CNTN4: variants seen among roughly 807,000 people sequenced by gnomAD.
The protein encoded by CNTN4 is contactin-4.
Under a neutral mutation model 122.5 loss-of-function variants are expected in CNTN4, and 77 were observed. The observed-to-expected ratio is 0.63, with a 90% CI of 0.52 to 0.76. CNTN4 has a LOEUF of 0.76. Among genes scored for constraint, CNTN4 ranks in the 30% least tolerant of loss-of-function variants. The pLI, the probability that CNTN4 is intolerant of heterozygous loss-of-function variation, is 0.00. For synonymous variants in CNTN4, 512 were observed against 447.0 expected, an observed-to-expected ratio of 1.15 and a Z score of -1.83; for missense variants, 1,256 against 1,259.1, an observed-to-expected ratio of 1.00 and a Z score of 0.04.
chr3:2,106,122 C>T (rs2032420694), intron 2 of CNTN4, among the ~76,000 whole-genome samples: 1 of 152,242 alleles, frequency 6.6e-6, no homozygotes, highest in African/African-American at 2.4e-5. Flanking sequence ...GGCAGTTCTG[C>T]CCCTCTGGCT....
intron 2 of CNTN4, among the ~76,000 whole-genome samples, chr3:2,252,853 C>T (rs1237399061): frequency 6.6e-6 from 1 of 152,026 alleles, no homozygotes; most frequent in Admixed American, 6.6e-5. Flanking sequence ...GATTGTCTCC[C>T]AAATTGTTTA....
In CNTN4 at chr3:2,566,148, G is replaced by A. The variant is rs1048641568; in HGVS notation, c.-88-5268G>A. 8.9e-4 allele frequency among the ~76,000 whole-genome samples: 136 copies of A among 152,112 alleles called. 1 individual carries two copies. The highest frequency in any genetic ancestry group is 2.1e-4 in the Non-Finnish European group (14 of 68,012). ...GCACCTGGCTTCACTTCTGCAGAAG[G>A]ACAACATGAAAAGCCAAGTTAGAGA... On this transcript the variant is annotated intron_variant, in intron 3 of 24. Transcript: ENST00000418658.
chr3:2,816,664 T>C (rs2092738563), intron 6 of CNTN4, among the ~76,000 whole-genome samples: 2 of 150,280 alleles, frequency 1.3e-5, no homozygotes, highest in South Asian at 2.1e-4. Context: ...CTACTAAAAA[T>C]ACAAAAATTA....
intron 7 of CNTN4, among the ~76,000 whole-genome samples, chr3:2,865,316 AAT>A (rs1276760186): frequency 6.6e-6 from 1 of 152,238 alleles, no homozygotes; most frequent in African/African-American, 2.4e-5. Context: ...TTTAAGGCAG[AAT>A]ATGTTTCCTG....
intron 4 of CNTN4, among the ~76,000 whole-genome samples, chr3:2,597,644 G>T (rs951859667): frequency 1.2e-4 from 19 of 152,150 alleles, no homozygotes; most frequent in African/African-American, 4.6e-4. Context: ...AAGTGGTGCT[G>T]TGTGCCTATG....
intron 2 of CNTN4, among the ~76,000 whole-genome samples, chr3:2,120,397 A>ATTT (rs2033678127): frequency 3.3e-5 from 1 of 30,658 alleles, no homozygotes; most frequent in African/African-American, 9.2e-5. Context: ...ATATATATAT[A>ATTT]TATATATATT....
At chr3:2,187,952 A>G (rs1252492103) in intron 2 of CNTN4, among the ~76,000 whole-genome samples, 1 of 152,112 alleles carries the variant, frequency 6.6e-6, no homozygotes, top group Non-Finnish European at 1.5e-5. Flanking sequence ...AGTGCATCCT[A>G]CTTCTGCCAC....
At chr3:2,148,963 TG>T (rs1435375418) in intron 2 of CNTN4, among the ~76,000 whole-genome samples, 6 of 151,984 alleles carry the variant, frequency 3.9e-5, no homozygotes, top group Non-Finnish European at 7.4e-5. Flanking sequence ...TGTGTGTGTG[TG>T]TGTGTGTTGG....
At chr3:3,005,147 C>T (rs1177761809) in intron 14 of CNTN4, among the ~76,000 whole-genome samples, 1 of 152,174 alleles carries the variant, frequency 6.6e-6, no homozygotes, top group African/African-American at 2.4e-5. Flanking sequence ...TGGAAGTTTT[C>T]CTGCTGGGGT....
chr3:2,659,326 A>G (rs1576368558), intron 4 of CNTN4, among the ~76,000 whole-genome samples: 1 of 151,650 alleles, frequency 6.6e-6, no homozygotes, highest in East Asian at 1.9e-4. Flanking sequence ...GCCAGGTGTA[A>G]TGGTACATGT....
At chr3:2,540,130 G>A (rs575305927) in intron 3 of CNTN4, among the ~76,000 whole-genome samples, 1 of 151,880 alleles carries the variant, frequency 6.6e-6, no homozygotes, top group African/African-American at 2.4e-5. Context: ...ACTAATAGGT[G>A]ATATAAAAAA....
intron 4 of CNTN4, among the ~76,000 whole-genome samples, chr3:2,645,890 T>A (rs1157086879): frequency 6.6e-6 from 1 of 152,216 alleles, no homozygotes; most frequent in African/African-American, 2.4e-5. Flanking sequence ...GAGACATACA[T>A]GCACAGAAAT....
At chr3:2,580,802 C>G (rs191768795) in intron 4 of CNTN4, among the ~76,000 whole-genome samples, 34 of 152,272 alleles carry the variant, frequency 2.2e-4, no homozygotes, top group Admixed American at 1.8e-3. Flanking sequence ...TTTGTATGCA[C>G]TATCACCCTT....
intron 4 of CNTN4, among the ~76,000 whole-genome samples, chr3:2,631,081 TAACAATGTTTTCTA>T (rs1173540885): frequency 1.3e-5 from 2 of 152,202 alleles, no homozygotes; most frequent in Non-Finnish European, 2.9e-5. Flanking sequence ...AATTAAGTCT[TAACAATGTTTTCTA>T]AGAGCAATAG....
intron 13 of CNTN4, among the ~76,000 whole-genome samples, chr3:2,940,402 G>C (rs1206182068): frequency 6.6e-6 from 1 of 152,196 alleles, no homozygotes; most frequent in Non-Finnish European, 1.5e-5. Context: ...CTTTAGATAA[G>C]TGCAAAAGCT....
At chr3:2,197,453 A>G (rs1239842559) in intron 2 of CNTN4, among the ~76,000 whole-genome samples, 3 of 152,242 alleles carry the variant, frequency 2.0e-5, no homozygotes, top group Non-Finnish European at 2.9e-5. Flanking sequence ...CCAGGATCAT[A>G]GTTCAGTGCC....
At chr3:2,564,795 A>C (rs2079090427) in intron 3 of CNTN4, among the ~76,000 whole-genome samples, 1 of 152,168 alleles carries the variant, frequency 6.6e-6, no homozygotes, top group Non-Finnish European at 1.5e-5. Flanking sequence ...CTATAAGGGG[A>C]AAGTATATTT....
At chr3:2,156,672 G>A (rs1307046716) in intron 2 of CNTN4, among the ~76,000 whole-genome samples, 1 of 152,214 alleles carries the variant, frequency 6.6e-6, no homozygotes, top group African/African-American at 2.4e-5. Flanking sequence ...GGAAATGGAG[G>A]CAGAGAGAAG....
At chr3:2,587,534 T>C (rs1298056448) in intron 4 of CNTN4, among the ~76,000 whole-genome samples, 1 of 152,232 alleles carries the variant, frequency 6.6e-6, no homozygotes, top group African/African-American at 2.4e-5. Flanking sequence ...TTCTCTCCAA[T>C]GTTGTGATAT....
Sources: gnomAD v4.1 joint callset for allele counts (sites outside exome capture counted in the v4.1 genomes callset) on GRCh38, gnomAD v4.1.1 for gene constraint, MANE v1.5 for transcripts, NCBI Gene and HGNC (gene_info 2026-07-23, HGNC 2026-07-21) for gene names.